MIDEAS: variants seen among roughly 807,000 people sequenced by gnomAD.
The protein encoded by MIDEAS is mitotic deacetylase associated SANT domain protein, also known as mitotic deacetylase-associated SANT domain protein.
Under a neutral mutation model 102.7 loss-of-function variants are expected in MIDEAS, and 26 were observed. The observed-to-expected ratio is 0.25, with a 90% CI of 0.19 to 0.35. The LOEUF (loss-of-function observed/expected upper bound fraction) is 0.35. Among genes scored for constraint, MIDEAS ranks in the 10% least tolerant of loss-of-function variants. The probability of loss-of-function intolerance (pLI) is 1.00; values close to 1 mark genes in which losing one functional copy is unlikely to be tolerated. For synonymous variants in MIDEAS, 585 were observed against 591.0 expected (o/e 0.99, Z 0.15); for missense variants, 1,231 against 1,435.6 (o/e 0.86, Z 2.30).
chr14:73,763,559 C>A (rs2053570160), upstream of MIDEAS, among the ~76,000 whole-genome samples: 1 of 152,122 alleles, frequency 6.6e-6, no homozygotes. Flanking sequence ...TGTTCCTCCC[C>A]CAATGAGGCC....
chr14:73,758,303 CTCTGA>C (rs969218371), intron 1 of MIDEAS, among the ~76,000 whole-genome samples: 1 of 152,254 alleles, frequency 6.6e-6, no homozygotes, highest in African/African-American at 2.4e-5. Flanking sequence ...GGGTGCATTT[CTCTGA>C]TCCAAAAGGG....
intron 11 of MIDEAS, 31 bp from the exon 12 acceptor site, chr14:73,719,532 G>A (rs2052954243): frequency 6.2e-7 from 1 of 1,603,650 alleles, no homozygotes. Context: ...AGAGTTGAGT[G>A]ATCTGAGCAA....
chr14:73,771,563 G>T (rs1445679513), intron 1 of MIDEAS, among the ~76,000 whole-genome samples: 1 of 152,200 alleles, frequency 6.6e-6, no homozygotes, highest in Non-Finnish European at 1.5e-5. Flanking sequence ...GAGGGGAGTG[G>T]TGGGTGAGAA....
At chr14:73,746,606 G>A (rs979504945) in intron 1 of MIDEAS, among the ~76,000 whole-genome samples, 1 of 152,224 alleles carries the variant, frequency 6.6e-6, no homozygotes, top group African/African-American at 2.4e-5. Context: ...GGAGGCTGCT[G>A]CACTACCTCC....
At chr14:73,728,502 C>G (rs77644412) in intron 4 of MIDEAS, 1 of 152,906 alleles carries the variant, frequency 6.5e-6, no homozygotes, top group Non-Finnish European at 1.5e-5. Context: ...CCCTGCCCCC[C>G]GCCCTCCTCC....
chr14:73,781,412 CT>C (rs2053756053), intron 1 of MIDEAS, among the ~76,000 whole-genome samples: 1 of 152,182 alleles, frequency 6.6e-6, no homozygotes, highest in African/African-American at 2.4e-5. Context: ...CAGTTTCACC[CT>C]TTTATGTTTA....
intron 9 of MIDEAS, chr14:73,724,720 A>G (rs1220178723): frequency 6.4e-6 from 1 of 156,398 alleles, no homozygotes; most frequent in Non-Finnish European, 1.4e-5. Flanking sequence ...TTTGTGAGAC[A>G]GGGCTGGAAA....
chr14:73,785,617 G>T (rs567814602), intron 1 of MIDEAS, among the ~76,000 whole-genome samples: 3 of 152,286 alleles, frequency 2.0e-5, no homozygotes, highest in Admixed American at 6.5e-5. Flanking sequence ...AGTCCTCTTT[G>T]CAACTCAGCC....
chr14:73,718,846 G>C lies in MIDEAS; in HGVS notation c.3297C>G (p.Gly1099=), dbSNP rs1185436239. The C allele has an allele frequency of 4.3e-5, 64 of 1,473,624 alleles. No individual in the cohort carries two copies. Among genetic ancestry groups the C allele is most frequent in the Non-Finnish European group, 5.4e-5 (61 of 1,120,846 alleles). 91.3% of individuals were successfully genotyped at this position (1,473,624 alleles called of 1,614,324 possible). The part of the protein sequence containing the change: ...LREESGAGDK[G] ...TGGGCCAGCCTGGCTCCCGCGCTCA[G>C]CCCTTGTCGCCCGCACCGCTCTCCT... Residue 1099 remains glycine (G), a synonymous_variant, in exon 13 of 13, where the codon GGC becomes GGG. Transcript: ENST00000423556.
upstream of MIDEAS, among the ~76,000 whole-genome samples, chr14:73,764,110 C>T (rs1208754744): frequency 3.9e-5 from 6 of 152,052 alleles, no homozygotes; most frequent in African/African-American, 7.2e-5. Flanking sequence ...GAGGCCAAAG[C>T]GGGCGGATCA....
At chr14:73,789,806 G>A (rs560916479), upstream of MIDEAS, 2 of 152,292 alleles carry the variant, frequency 1.3e-5, no homozygotes, top group South Asian at 4.2e-4. Flanking sequence ...AGGCAGCCCT[G>A]GTATTGGGTG....
rs17782128 is a variant in MIDEAS, at chr14:73,739,175, C to T, written c.834G>A (p.Pro278=). 305,853 of 1,613,544 alleles carry T rather than the reference C, an allele frequency of 0.19. 30,668 individuals carry two copies. The highest frequency in any genetic ancestry group is 0.28 in the South Asian group (25,334 of 91,054). ...CCTGGGGTTGCTGCGAGGGTTGCTG[C>T]GGCATGGAATAGAAGTTCTCAAAGA... is the stretch of plus-strand genomic sequence containing the variant. ...MPLFENFYSM[P]QQPSQQPQDF... is the part of the protein sequence containing the mutation. The change falls in exon 2 of 13, where the codon CCG becomes CCA. Residue 278 remains proline (P), a synonymous_variant. Coordinates refer to ENST00000423556, the MANE Select transcript of MIDEAS (RefSeq NM_001367710.1).
chr14:73,776,314 T>C (rs778014003), intron 1 of MIDEAS, among the ~76,000 whole-genome samples: 5 of 151,954 alleles, frequency 3.3e-5, no homozygotes, highest in African/African-American at 4.8e-5. Context: ...CACTCAGATC[T>C]TCTGGGCACA....
rs774676678 is a variant in MIDEAS at position 73,739,358 on chromosome 14, G to C, written c.651C>G (p.Phe217Leu). 6.3e-7 allele frequency: 1 copy of C among 1,599,642 alleles called. No individual in the cohort carries two copies. The highest frequency in any genetic ancestry group is 1.3e-5 in the African/African-American group (1 of 74,808). ...PPNQSLPLQP[F>L]QLAFGHQVNR... is the part of the protein sequence containing the mutation. Reference sequence around the variant, plus strand: ...TCACCTGGTGGCCGAATGCCAGCTGGAAGGGTTGCAGGGGCAGTGACTGGT... The same window carrying C: ...TCACCTGGTGGCCGAATGCCAGCTGCAAGGGTTGCAGGGGCAGTGACTGGT... Residue 217 changes from phenylalanine (F) to leucine (L), a missense_variant, in exon 2 of 13, where the codon TTC becomes TTG. Phe to Leu is a conservative substitution (Grantham distance 22). This residue lies in a region of MIDEAS where 758 missense variants were observed against 856.0 expected (regional missense o/e 0.89). Transcript: ENST00000423556.
intron 1 of MIDEAS, among the ~76,000 whole-genome samples, chr14:73,750,602 C>T (rs2053408062): frequency 6.6e-6 from 1 of 152,220 alleles, no homozygotes; most frequent in South Asian, 2.1e-4. Flanking sequence ...TAAAAGCCTC[C>T]ATGCCACATG....
intron 1 of MIDEAS, among the ~76,000 whole-genome samples, chr14:73,767,655 G>A (rs2053603738): frequency 6.6e-6 from 1 of 152,026 alleles, no homozygotes; most frequent in African/African-American, 2.4e-5. Flanking sequence ...GGGGGAAAAA[G>A]GCTCTCATAA....
intron 11 of MIDEAS, among the ~76,000 whole-genome samples, chr14:73,720,192 C>T (rs1816954016): frequency 6.7e-6 from 1 of 150,034 alleles, no homozygotes; most frequent in Admixed American, 6.6e-5. Context: ...CGTGTGTTTA[C>T]AGTTTATGGG....
rs1470660456 is a variant in MIDEAS at position 73,773,845 on chromosome 14, A to G, written c.-248+13257T>C. Among the ~76,000 whole-genome samples the G allele has an allele frequency of 2.0e-5, 3 of 151,604 alleles. No individual in the cohort carries two copies. In the East Asian group the frequency reaches 5.9e-4, roughly 30 times the overall value. ...CGAGACCAGCCTGGCCAATATGGTAAAACCCTGTCTCTACTGAAATACAAA... is the reference window on the plus strand; with the variant it reads ...CGAGACCAGCCTGGCCAATATGGTAGAACCCTGTCTCTACTGAAATACAAA... On this transcript the variant is annotated intron_variant, in intron 1 of 11. Coordinates refer to the MIDEAS transcript ENST00000394071.
At chr14:73,772,870 C>T (rs1311023840) in intron 1 of MIDEAS, among the ~76,000 whole-genome samples, 4 of 150,110 alleles carry the variant, frequency 2.7e-5, no homozygotes, top group Admixed American at 2.0e-4. Context: ...GACAGAGTCT[C>T]GCTCTGTCGC....
Sources: gnomAD v4.1 joint callset for allele counts (sites outside exome capture counted in the v4.1 genomes callset) on GRCh38, gnomAD v4.1.1 for gene constraint, gnomAD v4.1.1 regional missense constraint, MANE v1.5 for transcripts, NCBI Gene and HGNC (gene_info 2026-07-23, HGNC 2026-07-21) for gene names.